Variants in WNK2 observed in about 807,000 individuals in gnomAD.
WNK2 encodes the protein serine/threonine-protein kinase WNK2.
In WNK2, 67 loss-of-function variants were observed where a neutral mutation model predicts 192.1. That is an observed-to-expected ratio of 0.35 (90% CI 0.29 to 0.43). The LOEUF (loss-of-function observed/expected upper bound fraction) is 0.43, where lower values mean the gene tolerates loss of function less well. Ranked by LOEUF, WNK2 falls within the 20% of genes least tolerant of loss-of-function variation. The pLI, the probability that WNK2 is intolerant of heterozygous loss-of-function variation, is 1.00. For synonymous variants in WNK2, 1,439 were observed against 1,393.9 expected, an observed-to-expected ratio of 1.03 and a Z score of -0.72; for missense variants, 2,698 against 3,089.7, an observed-to-expected ratio of 0.87 and a Z score of 3.01.
intron 19 of WNK2, among the ~76,000 whole-genome samples, chr9:93,283,496 C>T (rs1043019150): frequency 6.6e-6 from 1 of 152,080 alleles, no homozygotes; most frequent in East Asian, 1.9e-4. Context: ...AACATTAAGA[C>T]AAATATAAGA....
chr9:93,241,430 T>A (rs1346910556), intron 7 of WNK2, among the ~76,000 whole-genome samples: 3 of 152,260 alleles, frequency 2.0e-5, no homozygotes, highest in African/African-American at 7.2e-5. Flanking sequence ...AGGTGCTCGC[T>A]GTTTTTTCTT....
intron 2 of WNK2, among the ~76,000 whole-genome samples, chr9:93,217,250 C>T (rs1422146703): frequency 6.6e-6 from 1 of 152,190 alleles, no homozygotes; most frequent in East Asian, 1.9e-4. Context: ...AGCCACCGTG[C>T]CCAGCCCAAA....
At position 93,289,709 on chromosome 9, in the gene WNK2, A is replaced by G. The variant is rs148837194; in HGVS notation, c.4866+89A>G. On this transcript the variant is annotated intron_variant, in intron 20 of 29. Transcript: ENST00000427277. ...CCGGGGGTGGGCAGGCATCTTGGCT[A>G]TGCAGAGCCGCCCTCACTCAGGGCC... 44 of 1,298,380 alleles carry G rather than the reference A, an allele frequency of 3.4e-5. No individual in the cohort carries two copies. In the African/African-American group the frequency reaches 6.4e-4, roughly 19 times the overall value. 80.4% of individuals were successfully genotyped at this position (1,298,380 alleles called of 1,614,324 possible). A position where few individuals can be genotyped will look rare whatever the true frequency, so the allele number is the denominator to read the frequency against.
At chr9:93,186,702 C>G (rs1829404873) in intron 2 of WNK2, among the ~76,000 whole-genome samples, 1 of 152,208 alleles carries the variant, frequency 6.6e-6, no homozygotes, top group African/African-American at 2.4e-5. Flanking sequence ...CCGGCCCCGA[C>G]AGGGTGGCCT....
chr9:93,304,970 GA>G lies in WNK2; in HGVS notation c.6215-1806del, dbSNP rs1296001848. Among the ~76,000 whole-genome samples the G allele has an allele frequency of 4.6e-5, 7 of 152,340 alleles. 1 individual carries two copies. The highest frequency in any genetic ancestry group is 1.3e-4 in the Admixed American group (2 of 15,304). On this transcript the variant is annotated intron_variant, in intron 26 of 29. Coordinates refer to ENST00000427277, the MANE Select transcript of WNK2 (RefSeq NM_006648.4). ...TGGGCCAGGGTTGCTCCCTGGCTCTGAGCAGGTGCCGTGTCCTCCAGACACT... is the reference window on the plus strand; with the variant it reads ...TGGGCCAGGGTTGCTCCCTGGCTCTGGCAGGTGCCGTGTCCTCCAGACACT...
Position 93,250,944 on chromosome 9 carries a change from CT to C in WNK2, c.1835-1937del, listed in dbSNP as rs375608191. ...GGATTACAGGCATGTGCCACCATGC[CT>C]TGGCTAATTTTTGTATTTTTAGTAG... On this transcript the variant is annotated intron_variant, in intron 8 of 29. Transcript: ENST00000427277. Among the ~76,000 whole-genome samples, 216 of 150,618 alleles carry C rather than the reference CT, an allele frequency of 1.4e-3. 1 individual carries two copies. The highest frequency in any genetic ancestry group is 4.8e-3 in the African/African-American group (196 of 40,806).
chr9:93,267,970 G>C, intron 17 of WNK2, 50 bp from the exon 18 acceptor site: 1 of 1,606,974 alleles, frequency 6.2e-7, no homozygotes, highest in Non-Finnish European at 8.5e-7. Context: ...GGCTGGGCAG[G>C]TGGGCGCTGC....
Position 93,259,313 on chromosome 9 carries a change from C to A in WNK2, c.2765C>A (p.Thr922Asn). 3.1e-6 allele frequency: 5 copies of A among 1,613,724 alleles called. No individual in the cohort carries two copies. The highest frequency in any genetic ancestry group is 4.2e-6 in the Non-Finnish European group (5 of 1,179,790). ...GCGGCCTTCCCACAGATGGCGCCTACTGACGTCCCTCCTTCCCCCCATCAC... is the reference window on the plus strand; with the variant it reads ...GCGGCCTTCCCACAGATGGCGCCTAATGACGTCCCTCCTTCCCCCCATCAC... The part of the protein sequence containing the change: ...YPAAFPQMAP[T>N]DVPPSPHHTV... Residue 922 changes from threonine (T) to asparagine (N), a missense_variant, in exon 12 of 30, where the codon ACT (threonine) becomes AAT (asparagine). This residue lies in a region of WNK2 where 893 missense variants were observed against 909.0 expected (regional missense o/e 0.98). Transcript: ENST00000427277. This position sits in a 1 kb window ranked among gnomAD's most constrained non-coding sequence, Gnocchi z 4.8.
chr9:93,226,271 C>T (rs1837800313), intron 2 of WNK2, among the ~76,000 whole-genome samples: 1 of 152,228 alleles, frequency 6.6e-6, no homozygotes, highest in Non-Finnish European at 1.5e-5. Flanking sequence ...CCATTTTCTT[C>T]TAAATCGTTC....
At chr9:93,190,244 G>C (rs1182665491) in intron 2 of WNK2, among the ~76,000 whole-genome samples, 6 of 152,210 alleles carry the variant, frequency 3.9e-5, no homozygotes, top group Admixed American at 3.9e-4. Context: ...GCTCTCAGTG[G>C]TGCTTCTGCC....
chr9:93,317,968 G>A (rs1855037244), intron 29 of WNK2: 6 of 1,612,604 alleles, frequency 3.7e-6, no homozygotes, highest in Non-Finnish European at 5.1e-6. Flanking sequence ...GCCGCGAGGG[G>A]GACAGCGGGT....
At chr9:93,302,226 C>T (rs1029588460) in intron 26 of WNK2, among the ~76,000 whole-genome samples, 10 of 152,306 alleles carry the variant, frequency 6.6e-5, no homozygotes, top group Non-Finnish European at 1.2e-4. Context: ...GCCCTGTGAG[C>T]GCTGAGAGGC....
intron 5 of WNK2, among the ~76,000 whole-genome samples, chr9:93,235,887 C>T (rs747908785): frequency 7.2e-5 from 11 of 152,254 alleles, no homozygotes; most frequent in Admixed American, 2.0e-4. Flanking sequence ...ACCCATCCCT[C>T]CATCCCGAGC....
At chr9:93,312,308 T>G (rs1380705613) in intron 28 of WNK2, among the ~76,000 whole-genome samples, 3 of 152,234 alleles carry the variant, frequency 2.0e-5, no homozygotes, top group Non-Finnish European at 2.9e-5. Context: ...ACCTTTTCCT[T>G]AAGTTTCCTA....
chr9:93,203,848 G>A (rs1167850073), intron 2 of WNK2, among the ~76,000 whole-genome samples: 2 of 152,166 alleles, frequency 1.3e-5, no homozygotes, highest in Admixed American at 1.3e-4. Context: ...GGAGGCTGCT[G>A]CAGCCTGGTC....
chr9:93,305,403 G>T (rs1212866863), intron 26 of WNK2, among the ~76,000 whole-genome samples: 2 of 152,180 alleles, frequency 1.3e-5, no homozygotes, highest in Non-Finnish European at 2.9e-5. Flanking sequence ...TCAGCTCTGT[G>T]TTCCTGGCAG....
At chr9:93,192,053 T>C (rs1232004556) in intron 2 of WNK2, among the ~76,000 whole-genome samples, 11 of 146,120 alleles carry the variant, frequency 7.5e-5, no homozygotes, top group African/African-American at 1.5e-4. Flanking sequence ...TGGTGGCTCA[T>C]GCCTGTAATC....
chr9:93,247,518 G>C lies in WNK2; in HGVS notation c.1543-25G>C. The C allele has an allele frequency of 6.2e-7, 1 of 1,603,282 alleles. No individual in the cohort carries two copies. The highest frequency in any genetic ancestry group is 8.5e-7 in the Non-Finnish European group (1 of 1,175,152). ...CCGGTGAGGGCTGATCCCCAGCGAT[G>C]CTGACAACATGACTGCCTTTACAGA... On this transcript the variant is annotated intron_variant, in intron 7 of 29. Transcript: ENST00000427277. The surrounding 1 kb of genome is among the most constrained non-coding windows in gnomAD (Gnocchi z 5.2).
intron 2 of WNK2, among the ~76,000 whole-genome samples, chr9:93,207,955 C>T (rs956055933): frequency 6.6e-6 from 1 of 152,240 alleles, no homozygotes; most frequent in African/African-American, 2.4e-5. Context: ...ACCCCTTCCA[C>T]GTGGCACCTT....
Sources: gnomAD v4.1 joint callset for allele counts (sites outside exome capture counted in the v4.1 genomes callset) on GRCh38, gnomAD v4.1.1 for gene constraint, gnomAD v4.1.1 regional missense constraint, Gnocchi (gnomAD v3.1) non-coding constraint, MANE v1.5 for transcripts, NCBI Gene and HGNC (gene_info 2026-07-23, HGNC 2026-07-21) for gene names.